The following TINAGL1 variants were observed in gnomAD, a reference collection of about 807,000 sequenced individuals.
TINAGL1 encodes tubulointerstitial nephritis antigen-like.
TINAGL1 carries 34 observed loss-of-function variants against 62.0 expected under a neutral mutation model. That is an observed-to-expected ratio of 0.55 (90% CI 0.42 to 0.73). The LOEUF is 0.73. Among genes scored for constraint, TINAGL1 ranks in the 30% least tolerant of loss-of-function variants. The pLI, the probability that TINAGL1 is intolerant of heterozygous loss-of-function variation, is 0.00. For synonymous variants in TINAGL1, 221 were observed against 249.7 expected, an observed-to-expected ratio of 0.88 and a Z score of 1.08; for missense variants, 516 against 653.2, an observed-to-expected ratio of 0.79 and a Z score of 2.29.
Position 31,577,156 on chromosome 1 carries a change from G to A in TINAGL1, c.8G>A (p.Arg3Gln), listed in dbSNP as rs553436849. 5.9e-5 allele frequency: 90 copies of A among 1,531,604 alleles called. No homozygotes were observed. Among genetic ancestry groups the A allele is most frequent in the Admixed American group, 2.8e-4 (14 of 50,418 alleles). The allele number at this position is 1,531,604 out of a possible 1,614,324, so 94.9% of individuals were successfully genotyped here. The change falls in exon 2 of 12, where the codon CGA (arginine) becomes CAA (glutamine). Residue 3 changes from arginine to glutamine, a missense_variant. By Grantham distance (43) the Arg-to-Gln change is conservative. Coordinates refer to ENST00000271064, the MANE Select transcript of TINAGL1 (RefSeq NM_022164.3). The surrounding 1 kb of genome is among the most constrained non-coding windows in gnomAD (Gnocchi z 5.4). ...CAGGGCCCAGGAGCCACCATGTGGC[G>A]ATGTCCACTGGGGCTACTGCTGTTG... Reference protein sequence around the residue: MWRCPLGLLLLLP... With the variant: MWQCPLGLLLLLP...
chr1:31,577,036 C>G lies in TINAGL1; in HGVS notation c.-15-98C>G. The G allele has an allele frequency of 8.9e-7, 1 of 1,129,436 alleles. No homozygotes were observed. The highest frequency in any genetic ancestry group is 1.2e-6 in the Non-Finnish European group (1 of 826,562). The allele number at this position is 1,129,436 out of a possible 1,614,324, so 70.0% of individuals were successfully genotyped here. On this transcript the variant is annotated intron_variant, in intron 1 of 11. Transcript: ENST00000271064. The surrounding 1 kb of genome is among the most constrained non-coding windows in gnomAD (Gnocchi z 5.4). ...GGGACTCAGGAATCGGGATCTCCCT[C>G]CCTGCTGGGCCCTCTTGAACTCACA...
At chr1:31,582,352 G>T (rs970602650) in intron 3 of TINAGL1, among the ~76,000 whole-genome samples, 8 of 152,018 alleles carry the variant, frequency 5.3e-5, no homozygotes, top group Non-Finnish European at 1.2e-4. Context: ...GGAGGAAGGG[G>T]AGCAGGCAGA....
Position 31,583,881 on chromosome 1 carries a change from G to A in TINAGL1, c.582+306G>A, listed in dbSNP as rs994991804. On this transcript the variant is annotated intron_variant, in intron 5 of 11. Coordinates refer to ENST00000271064, the MANE Select transcript of TINAGL1 (RefSeq NM_022164.3). The surrounding 1 kb of genome is among the most constrained non-coding windows in gnomAD (Gnocchi z 4.4). ...GGGTTAGGGCCCAAGGGGACAGGGG[G>A]TCACCTTGGTATTTTGGGAAGGGAA... 3 of 323,638 alleles carry A rather than the reference G, an allele frequency of 9.3e-6. No individual in the cohort carries two copies. Among genetic ancestry groups the A allele is most frequent in the Admixed American group, 4.3e-5 (1 of 23,368 alleles). The allele number at this position is 323,638 out of a possible 1,614,324, so 20.0% of individuals were successfully genotyped here.
At position 31,586,535 on chromosome 1, in the gene TINAGL1, C is replaced by T. The variant is rs577566082; in HGVS notation, c.1218-175C>T. 8 of 725,186 alleles carry T rather than the reference C, an allele frequency of 1.1e-5. No homozygotes were observed. In the African/African-American group the frequency reaches 1.4e-4, roughly 13 times the overall value. The allele number at this position is 725,186 out of a possible 1,614,324, so 44.9% of individuals were successfully genotyped here. On this transcript the variant is annotated intron_variant, in intron 10 of 11. Coordinates refer to ENST00000271064, the MANE Select transcript of TINAGL1 (RefSeq NM_022164.3). ...CCCATGCTGGGCCTGGGTGCACCGA[C>T]TTACAGATGTGAGAGTGAGGGAGAT...
chr1:31,584,608 G>A lies in TINAGL1; in HGVS notation c.583-70G>A, dbSNP rs964178719. 11 of 1,607,564 alleles carry A rather than the reference G, an allele frequency of 6.8e-6. No homozygotes were observed. The East Asian group carries it at 2.0e-4, about 29-fold the overall frequency. On this transcript the variant is annotated intron_variant, in intron 5 of 11. Coordinates refer to ENST00000271064, the MANE Select transcript of TINAGL1 (RefSeq NM_022164.3). This position sits in a 1 kb window ranked among gnomAD's most constrained non-coding sequence, Gnocchi z 4.0. ...AGGCCCTGGACTTGGTGGCCCTCCA[G>A]TGCCAATGGGCACCTGAGGGGCAGG...
rs1286429479 is a variant in TINAGL1, at chr1:31,587,029, G to A, written c.*50G>A. 2.1e-6 allele frequency: 3 copies of A among 1,402,988 alleles called. No homozygotes were observed. The highest frequency in any genetic ancestry group is 2.8e-6 in the Non-Finnish European group (3 of 1,083,490). 86.9% of individuals were successfully genotyped at this position (1,402,988 alleles called of 1,614,324 possible). On this transcript the variant is annotated 3_prime_UTR_variant, in exon 12 of 12. Coordinates refer to ENST00000271064, the MANE Select transcript of TINAGL1 (RefSeq NM_022164.3). ...GGCCTGGGATCCAGGCTAAGGGCCG[G>A]CGGAAGAGGCCCCAATGGGGCGGTG...
chr1:31,579,226 C>T lies in TINAGL1; in HGVS notation c.333C>T (p.Ile111=). The change falls in exon 3 of 12, where the codon ATC becomes ATT. Residue 111 remains isoleucine, a synonymous_variant. Coordinates refer to ENST00000271064, the MANE Select transcript of TINAGL1 (RefSeq NM_022164.3). The part of the protein sequence containing the change: ...PIQGCMHGGR[I]YPVLGTYWDN... ...CAGGATGTATGCATGGAGGTCGTATCTATCCAGTCTTGGGAACGTACTGGG... is the reference window on the plus strand; with the variant it reads ...CAGGATGTATGCATGGAGGTCGTATTTATCCAGTCTTGGGAACGTACTGGG... 2 of 1,614,108 alleles carry T rather than the reference C, an allele frequency of 1.2e-6. No individual in the cohort carries two copies. Among genetic ancestry groups the T allele is most frequent in the African/African-American group, 2.7e-5 (2 of 75,044 alleles).
intron 10 of TINAGL1, chr1:31,586,378 C>T (rs1384542586): frequency 2.0e-6 from 1 of 495,942 alleles, no homozygotes; most frequent in Non-Finnish European, 3.6e-6. Context: ...CCCTGGATCC[C>T]CAAGTGAGGG....
intron 3 of TINAGL1, among the ~76,000 whole-genome samples, chr1:31,581,325 G>A (rs1639239043): frequency 6.6e-6 from 1 of 152,190 alleles, no homozygotes; most frequent in African/African-American, 2.4e-5. Flanking sequence ...AGCAGACTTG[G>A]TGAATAAGGC....
chr1:31,586,877 G>A lies in TINAGL1; in HGVS notation c.1302G>A (p.Arg434=). 6.4e-7 allele frequency: 1 copy of A among 1,555,504 alleles called. No individual in the cohort carries two copies. Among genetic ancestry groups the A allele is most frequent in the Non-Finnish European group, 8.7e-7 (1 of 1,150,598 alleles). ...ANSWGPAWGE[R]GHFRIVRGVN... ...CCTGGGGCCCAGCCTGGGGCGAGAG[G>A]GGCCACTTCCGCATCGTGCGCGGCG... Residue 434 remains arginine, a synonymous_variant, in exon 12 of 12, where the codon AGG becomes AGA. Transcript: ENST00000271064.
chr1:31,578,909 T>A (rs1235450768), intron 2 of TINAGL1, among the ~76,000 whole-genome samples: 6 of 58,410 alleles, frequency 1.0e-4, no homozygotes, highest in East Asian at 4.0e-4. Context: ...ATATCTTCAG[T>A]TATAGTTTGG....
In TINAGL1 at chr1:31,585,725, T is replaced by C; in HGVS notation, c.1094-28T>C. 1 of 1,606,148 alleles carries C rather than the reference T, an allele frequency of 6.2e-7. No individual in the cohort carries two copies. Among genetic ancestry groups the C allele is most frequent in the Non-Finnish European group, 8.5e-7 (1 of 1,175,976 alleles). ...CCAGTGCCTGTGCCAACGGGCTGAG[T>C]GGACCCTACCTTGACATCTGCCCAC... On this transcript the variant is annotated intron_variant, in intron 9 of 11. Coordinates refer to ENST00000271064, the MANE Select transcript of TINAGL1 (RefSeq NM_022164.3). The surrounding 1 kb of genome is among the most constrained non-coding windows in gnomAD (Gnocchi z 4.3).
rs1639296659 is a variant in TINAGL1, at chr1:31,583,341, C to T, written c.467+100C>T. 1.3e-6 allele frequency: 2 copies of T among 1,483,836 alleles called. No homozygotes were observed. 91.9% of individuals were successfully genotyped at this position (1,483,836 alleles called of 1,614,324 possible). On this transcript the variant is annotated intron_variant, in intron 4 of 11. Transcript: ENST00000271064. The surrounding 1 kb of genome is among the most constrained non-coding windows in gnomAD (Gnocchi z 4.4). The stretch of plus-strand genomic sequence containing the variant: ...GGGCACGTCCAGCAGGCCACTCCTA[C>T]ACCCAGATTTGACTGTGTGTGCGCT...
In TINAGL1 at chr1:31,586,787, T is replaced by C. The variant is rs1639404396; in HGVS notation, c.1263+32T>C. ...CCGCTGACCCTTTCCCCGCCCCCTC[T>C]TCCCCTCGCCCCACTCCCATTCCCC... On this transcript the variant is annotated intron_variant, in intron 11 of 11. Transcript: ENST00000271064. 1.1e-5 allele frequency: 17 copies of C among 1,530,960 alleles called. No homozygotes were observed. In the East Asian group the frequency reaches 4.2e-4, roughly 38 times the overall value. 94.8% of individuals were successfully genotyped at this position (1,530,960 alleles called of 1,614,324 possible). A position where few individuals can be genotyped will look rare whatever the true frequency, so the allele number is the denominator to read the frequency against.
chr1:31,581,125 G>C (rs897157485), intron 3 of TINAGL1, among the ~76,000 whole-genome samples: 1 of 152,222 alleles, frequency 6.6e-6, no homozygotes, highest in Non-Finnish European at 1.5e-5. Flanking sequence ...CTGGAGCTGG[G>C]GTAGGGGAGA....
chr1:31,586,935 G>T lies in TINAGL1; in HGVS notation c.1360G>T (p.Gly454Cys). ...NECDIESFVL[G>C]VWGRVGMEDM... ...GTGCGACATCGAGAGCTTCGTGCTG[G>T]GCGTCTGGGGCCGCGTGGGCATGGA... The change falls in exon 12 of 12, where the codon GGC becomes TGC. Residue 454 changes from glycine (G) to cysteine (C), a missense_variant. Coordinates refer to ENST00000271064, the MANE Select transcript of TINAGL1 (RefSeq NM_022164.3). The T allele has an allele frequency of 6.5e-7, 1 of 1,535,570 alleles. No individual in the cohort carries two copies. Among genetic ancestry groups the T allele is most frequent in the Non-Finnish European group, 8.7e-7 (1 of 1,144,916 alleles).
chr1:31,586,018 A>C, intron 10 of TINAGL1, 142 bp downstream of exon 10: 1 of 1,201,824 alleles, frequency 8.3e-7, no homozygotes, highest in Non-Finnish European at 1.1e-6. Context: ...GAGACTCAGA[A>C]AGAGAAAGGA....
Position 31,584,335 on chromosome 1 carries a change from T to C in TINAGL1, c.583-343T>C. On this transcript the variant is annotated intron_variant, in intron 5 of 11. Transcript: ENST00000271064. This position sits in a 1 kb window ranked among gnomAD's most constrained non-coding sequence, Gnocchi z 4.0. ...AAGGCCTGAAGAAAGCTAAGGCCGA[T>C]CAGAAGGTGCAGAGGAAAGAGGCAG... 3.6e-6 allele frequency: 1 copy of C among 279,194 alleles called. No homozygotes were observed. Among genetic ancestry groups the C allele is most frequent in the Non-Finnish European group, 7.0e-6 (1 of 142,294 alleles). The allele number at this position is 279,194 out of a possible 1,614,324, so 17.3% of individuals were successfully genotyped here.
Position 31,583,237 on chromosome 1 carries a change from T to A in TINAGL1, c.463T>A (p.Tyr155Asn). The stretch of plus-strand genomic sequence containing the variant: ...GATCAAAGCCATCAACCAGGGCAAC[T>A]ATGGGTGAGAGGCCCTAGAGGCACC... ...DMIKAINQGNYGWQAGNHSAF... is the reference protein window; with the variant it reads ...DMIKAINQGNNGWQAGNHSAF... The change falls in exon 4 of 12, where the codon TAT (tyrosine) becomes AAT (asparagine). Residue 155 changes from tyrosine to asparagine, a missense_variant. By Grantham distance (143) the Tyr-to-Asn change is moderately radical. Coordinates refer to ENST00000271064, the MANE Select transcript of TINAGL1 (RefSeq NM_022164.3). This position sits in a 1 kb window ranked among gnomAD's most constrained non-coding sequence, Gnocchi z 4.4. 1 of 1,614,164 alleles carries A rather than the reference T, an allele frequency of 6.2e-7. No individual in the cohort carries two copies. The highest frequency in any genetic ancestry group is 8.5e-7 in the Non-Finnish European group (1 of 1,180,000).
Sources: allele counts gnomAD v4.1 joint callset (sites outside exome capture counted in the v4.1 genomes callset), GRCh38; gene constraint gnomAD v4.1.1; non-coding constraint Gnocchi (gnomAD v3.1); transcripts MANE v1.5; gene names NCBI Gene and HGNC (gene_info 2026-07-23, HGNC 2026-07-21).